KLF12: variants seen among roughly 807,000 people sequenced by gnomAD.
KLF12 encodes the protein KLF transcription factor 12.
KLF12 carries 9 observed loss-of-function variants against 37.8 expected under a neutral mutation model. The observed-to-expected ratio is 0.24, with a 90% CI of 0.14 to 0.42. KLF12 has a LOEUF of 0.42. Ranked by LOEUF, KLF12 falls within the 10% of genes least tolerant of loss-of-function variation. The pLI is 1.00. For synonymous variants in KLF12, 208 were observed against 202.1 expected (o/e 1.03, Z -0.25); for missense variants, 411 against 516.0 (o/e 0.80, Z 1.97).
intron 5 of KLF12, among the ~76,000 whole-genome samples, chr13:73,811,348 C>T (rs1337960235): frequency 4.6e-5 from 7 of 151,994 alleles, no homozygotes. Context: ...GTTTTTGGAG[C>T]TCAAAGTTCT....
the KLF12 span, among the ~76,000 whole-genome samples, chr13:74,139,211 C>T: frequency 2.0e-5 from 3 of 152,302 alleles, no homozygotes; most frequent in Admixed American, 1.3e-4. Context: ...TGTTGATTCC[C>T]TCATTTATTC....
chr13:73,909,059 CG>C (rs1051846959), intron 3 of KLF12, among the ~76,000 whole-genome samples: 6 of 152,184 alleles, frequency 3.9e-5, no homozygotes, highest in African/African-American at 1.4e-4. Flanking sequence ...GTAGTGCTCA[CG>C]GTACAGGAGA....
intron 6 of KLF12, among the ~76,000 whole-genome samples, chr13:73,749,060 T>A (rs923842641): frequency 6.6e-6 from 1 of 152,158 alleles, no homozygotes. Context: ...TTCAGTTTTT[T>A]ATCATTAGAA....
At chr13:73,816,312 A>G (rs1566389740) in intron 4 of KLF12, among the ~76,000 whole-genome samples, 1 of 152,248 alleles carries the variant, frequency 6.6e-6, no homozygotes, top group Non-Finnish European at 1.5e-5. Context: ...GACACCAGAA[A>G]CAAAAAAATA....
intron 1 of KLF12, among the ~76,000 whole-genome samples, chr13:74,018,010 T>C (rs997422881): frequency 6.6e-6 from 1 of 151,840 alleles, no homozygotes; most frequent in Non-Finnish European, 1.5e-5. Flanking sequence ...AATAATATCA[T>C]GGAAGAATGT....
At chr13:73,716,926 C>G (rs1875858085) in intron 6 of KLF12, among the ~76,000 whole-genome samples, 1 of 152,154 alleles carries the variant, frequency 6.6e-6, no homozygotes, top group African/African-American at 2.4e-5. Flanking sequence ...TACAGTTTTA[C>G]TGGCATAACT....
the KLF12 span, among the ~76,000 whole-genome samples, chr13:74,144,544 G>A: frequency 8.6e-5 from 13 of 151,964 alleles, no homozygotes; most frequent in East Asian, 1.2e-3. Context: ...TAGTCTACAC[G>A]GCATTTTTTA....
At chr13:74,110,732 C>A (rs1175691237) in intron 1 of KLF12, among the ~76,000 whole-genome samples, 4 of 151,830 alleles carry the variant, frequency 2.6e-5, no homozygotes, top group African/African-American at 9.7e-5. Flanking sequence ...TACTTGGGAC[C>A]CTGTTCTCAA....
At chr13:74,121,337 C>T (rs1280635843) in intron 1 of KLF12, among the ~76,000 whole-genome samples, 1 of 151,868 alleles carries the variant, frequency 6.6e-6, no homozygotes, top group Non-Finnish European at 1.5e-5. Context: ...ACAAAGTATT[C>T]CAAAAAATAG....
intron 1 of KLF12, among the ~76,000 whole-genome samples, chr13:74,079,366 T>C (rs1874751160): frequency 6.6e-6 from 1 of 152,132 alleles, no homozygotes; most frequent in Non-Finnish European, 1.5e-5. Flanking sequence ...TGGAAAATGG[T>C]TGTGCTGGTA....
chr13:73,794,484 G>T (rs1009635540), intron 5 of KLF12, among the ~76,000 whole-genome samples: 7 of 152,030 alleles, frequency 4.6e-5, no homozygotes, highest in African/African-American at 1.4e-4. Context: ...AAATAATAAG[G>T]TTACGAATAC....
rs1000977462 is a variant in KLF12, at chr13:73,691,899, A to G, written c.*3591T>C. ...ATAAGCTATTCCAAATCTGAACCAT[A>G]ATGAAAACGGCCTTTCTAATCACCT... On this transcript the variant is annotated 3_prime_UTR_variant, in exon 8 of 8. Transcript: ENST00000377669. The G allele has an allele frequency of 1.3e-5, 2 of 152,636 alleles. No homozygotes were observed. The highest frequency in any genetic ancestry group is 2.9e-5 in the Non-Finnish European group (2 of 68,020). 9.5% of individuals were successfully genotyped at this position (152,636 alleles called of 1,614,324 possible).
At chr13:74,110,445 T>C (rs939370644) in intron 1 of KLF12, among the ~76,000 whole-genome samples, 3 of 152,208 alleles carry the variant, frequency 2.0e-5, no homozygotes, top group African/African-American at 7.2e-5. Flanking sequence ...TTCTGTCTCT[T>C]CCTCTAGAAT....
intron 1 of KLF12, among the ~76,000 whole-genome samples, chr13:74,133,714 G>C (rs1000537898): frequency 2.0e-5 from 3 of 149,854 alleles, no homozygotes; most frequent in African/African-American, 4.9e-5. Flanking sequence ...TGTTTATTTT[G>C]ATAAGAAACG....
intron 3 of KLF12, among the ~76,000 whole-genome samples, chr13:73,849,375 T>TAAA (rs574332239): frequency 6.1e-5 from 6 of 98,958 alleles, no homozygotes; most frequent in East Asian, 2.8e-4. Context: ...GGAGACTCCA[T>TAAA]AAAAAAAAAA....
chr13:74,112,688 G>A (rs1204622368), intron 1 of KLF12, among the ~76,000 whole-genome samples: 1 of 152,084 alleles, frequency 6.6e-6, no homozygotes, highest in Non-Finnish European at 1.5e-5. Context: ...CCACCAACTG[G>A]CAATTCCTTC....
At chr13:73,994,875 A>G in intron 2 of KLF12, 115 bp downstream of exon 2, 1 of 753,716 alleles carries the variant, frequency 1.3e-6, no homozygotes, top group Non-Finnish European at 2.4e-6. Context: ...ACATGTAAGT[A>G]CTGACCTCTG....
chr13:74,159,987 G>C, the KLF12 span, among the ~76,000 whole-genome samples: 2 of 127,790 alleles, frequency 1.6e-5, no homozygotes, highest in South Asian at 5.4e-4. Flanking sequence ...GTGTGACAGA[G>C]GGAGACCTTG....
At chr13:74,167,192 A>G in the KLF12 span, among the ~76,000 whole-genome samples, 1 of 152,242 alleles carries the variant, frequency 6.6e-6, no homozygotes, top group Non-Finnish European at 1.5e-5. Flanking sequence ...TAAGGCATAT[A>G]GAGATGCTCA....
Sources: gnomAD v4.1 joint callset for allele counts (sites outside exome capture counted in the v4.1 genomes callset) on GRCh38, gnomAD v4.1.1 for gene constraint, MANE v1.5 for transcripts, NCBI Gene and HGNC (gene_info 2026-07-23, HGNC 2026-07-21) for gene names.